The following ABCC5 variants were observed in gnomAD, a reference collection of about 807,000 sequenced individuals.
The protein encoded by ABCC5 is ATP-binding cassette sub-family C member 5.
In ABCC5, 61 loss-of-function variants were observed where a neutral mutation model predicts 160.9. The ratio of observed to expected loss-of-function variants is 0.38; its 90% CI spans 0.31 to 0.47. The LOEUF is 0.47. Ranked by LOEUF, ABCC5 falls within the 20% of genes least tolerant of loss-of-function variation. The pLI is 0.99. For missense variants in ABCC5, 1,308 were observed against 1,813.3 expected (o/e 0.72, Z 5.06); for synonymous variants, 666 against 700.6 (o/e 0.95, Z 0.78).
intron 23 of ABCC5, 150 bp downstream of exon 23, chr3:183,947,174 T>G (rs996836188): frequency 5.0e-6 from 4 of 807,110 alleles, no homozygotes; most frequent in Non-Finnish European, 7.1e-6. Flanking sequence ...AAATCCAGAT[T>G]GTTACGGTCA....
At chr3:183,967,429 T>G (rs1033505789) in intron 12 of ABCC5, 51 of 425,238 alleles carry the variant, frequency 1.2e-4, no homozygotes, top group South Asian at 4.3e-5. Flanking sequence ...AATAGATACA[T>G]GCTGAATGAA....
intron 11 of ABCC5, among the ~76,000 whole-genome samples, chr3:183,970,128 C>T (rs1045759450): frequency 6.6e-6 from 1 of 152,182 alleles, no homozygotes; most frequent in Non-Finnish European, 1.5e-5. Context: ...GGCTCCTCTT[C>T]CCACTTGGAG....
chr3:183,936,000 CAGGTT>C (rs747367084), intron 26 of ABCC5, among the ~76,000 whole-genome samples: 9 of 152,182 alleles, frequency 5.9e-5, no homozygotes, highest in Non-Finnish European at 1.0e-4. Context: ...CTATGGACTA[CAGGTT>C]TGTGTGCCCC....
chr3:183,929,768 A>G (rs1458661136), intron 26 of ABCC5, among the ~76,000 whole-genome samples: 1 of 152,106 alleles, frequency 6.6e-6, no homozygotes, highest in African/African-American at 2.4e-5. Context: ...TTACAGGCGC[A>G]TGCCACGTAA....
chr3:183,999,215 T>C (rs180764449), intron 2 of ABCC5, among the ~76,000 whole-genome samples: 1 of 151,606 alleles, frequency 6.6e-6, no homozygotes, highest in Non-Finnish European at 1.5e-5. Flanking sequence ...CTTCTCTTCC[T>C]CTCTAGGCTT....
chr3:183,991,346 A>G (rs1173663720), intron 2 of ABCC5, among the ~76,000 whole-genome samples: 1 of 152,188 alleles, frequency 6.6e-6, no homozygotes, highest in African/African-American at 2.4e-5. Context: ...CAAAAAAACA[A>G]GGAGAATAGA....
intron 9 of ABCC5, among the ~76,000 whole-genome samples, chr3:183,978,210 C>A (rs1255866610): frequency 6.6e-6 from 1 of 152,238 alleles, no homozygotes; most frequent in Non-Finnish European, 1.5e-5. Context: ...CCCCACTCTT[C>A]TGCTTCTCAG....
rs946620320 is a variant in ABCC5 at position 183,949,526 on chromosome 3, G to A, written c.3227+227C>T. On this transcript the variant is annotated intron_variant, in intron 22 of 29. Coordinates refer to ENST00000334444, the MANE Select transcript of ABCC5 (RefSeq NM_005688.4). This position sits in a 1 kb window ranked among gnomAD's most constrained non-coding sequence, Gnocchi z 4.2. ...CCTGAGTAGCTGTGACTATAGGCAC[G>A]TGATGCCGCATGCGGCCCAAATCTG... 2.0e-5 allele frequency among the ~76,000 whole-genome samples: 3 copies of A among 152,252 alleles called. No homozygotes were observed. The highest frequency in any genetic ancestry group is 4.8e-5 in the African/African-American group (2 of 41,472).
Position 183,963,527 on chromosome 3 carries a change from G to A in ABCC5, c.2093C>T (p.Ala698Val), listed in dbSNP as rs1478795708. 3 of 1,614,064 alleles carry A rather than the reference G, an allele frequency of 1.9e-6. No individual in the cohort carries two copies. The highest frequency in any genetic ancestry group is 1.3e-5 in the African/African-American group (1 of 74,918). ...GTAGATGCTCCTGTCACTATACAAGGCCCGGGCAAGGCTGATCCTCTGGCG... is the reference window on the plus strand; with the variant it reads ...GTAGATGCTCCTGTCACTATACAAGACCCGGGCAAGGCTGATCCTCTGGCG... ...GQRQRISLAR[A>V]LYSDRSIYIL... Residue 698 changes from alanine (A) to valine (V), a missense_variant, in exon 15 of 30, where the codon GCC (alanine) becomes GTC (valine). Ala to Val is a moderately conservative substitution (Grantham distance 64, BLOSUM62 0). Coordinates refer to ENST00000334444, the MANE Select transcript of ABCC5 (RefSeq NM_005688.4). This position sits in a 1 kb window ranked among gnomAD's most constrained non-coding sequence, Gnocchi z 4.6.
chr3:183,938,738 C>A (rs765633102), intron 25 of ABCC5, among the ~76,000 whole-genome samples: 1 of 152,146 alleles, frequency 6.6e-6, no homozygotes, highest in African/African-American at 2.4e-5. Context: ...AACCAGAGGA[C>A]AAGATGTCTT....
At chr3:184,013,540 C>T (rs1721932702) in intron 2 of ABCC5, among the ~76,000 whole-genome samples, 1 of 152,164 alleles carries the variant, frequency 6.6e-6, no homozygotes, top group Admixed American at 6.5e-5. Context: ...AAGCATGAGC[C>T]ACTGTGCCTG....
chr3:183,955,876 C>A (rs1307314400), intron 17 of ABCC5, among the ~76,000 whole-genome samples: 1 of 142,822 alleles, frequency 7.0e-6, no homozygotes, highest in Non-Finnish European at 1.5e-5. Context: ...GTGTATATTA[C>A]ATCTGTTATA....
At chr3:183,992,359 G>T (rs1022647531) in intron 2 of ABCC5, among the ~76,000 whole-genome samples, 1 of 152,134 alleles carries the variant, frequency 6.6e-6, no homozygotes, top group African/African-American at 2.4e-5. Flanking sequence ...CTGGGCAACA[G>T]AACAAGACTC....
intron 2 of ABCC5, among the ~76,000 whole-genome samples, chr3:184,007,626 G>A (rs1212708585): frequency 6.6e-5 from 10 of 152,014 alleles, no homozygotes; most frequent in Admixed American, 6.6e-4. Context: ...AGGAGTTCAA[G>A]ACCAGCCTGG....
At chr3:183,923,752 A>G (rs1712237305) in intron 29 of ABCC5, among the ~76,000 whole-genome samples, 1 of 152,246 alleles carries the variant, frequency 6.6e-6, no homozygotes, top group Non-Finnish European at 1.5e-5. Flanking sequence ...AATCTCAGTC[A>G]ACACTTAGTT....
chr3:184,012,282 T>C (rs1721819926), intron 2 of ABCC5, among the ~76,000 whole-genome samples: 1 of 152,116 alleles, frequency 6.6e-6, no homozygotes. Flanking sequence ...AGTTCCCTAA[T>C]GCCCACAGTG....
chr3:183,979,344 CAAAA>C (rs574015878), intron 8 of ABCC5, among the ~76,000 whole-genome samples: 1 of 107,692 alleles, frequency 9.3e-6, no homozygotes, highest in Non-Finnish European at 1.9e-5. Flanking sequence ...GGCCTTATCT[CAAAA>C]AAAAAAAAAA....
intron 12 of ABCC5, 147 bp from the exon 13 acceptor site, chr3:183,965,648 C>A: frequency 1.9e-6 from 2 of 1,051,282 alleles, no homozygotes; most frequent in South Asian, 1.6e-5. Context: ...CCTTTAATTC[C>A]AAAGAGAGCT....
In ABCC5 at chr3:183,989,389, C is replaced by T; in HGVS notation, c.130-6G>A. ...AAGGCATCTTGGCATTCCAACTGTT[C>T]CAGCAGATAGGGAGAAAGGCAAGAG... On this transcript the variant is annotated splice_polypyrimidine_tract_variant and splice_region_variant and intron_variant, in intron 2 of 29. Transcript: ENST00000334444. 6.2e-7 allele frequency: 1 copy of T among 1,613,514 alleles called. No individual in the cohort carries two copies. The highest frequency in any genetic ancestry group is 8.5e-7 in the Non-Finnish European group (1 of 1,179,734).
Sources: gnomAD v4.1 joint callset for allele counts (sites outside exome capture counted in the v4.1 genomes callset) on GRCh38, gnomAD v4.1.1 for gene constraint, Gnocchi (gnomAD v3.1) non-coding constraint, MANE v1.5 for transcripts, NCBI Gene and HGNC (gene_info 2026-07-23, HGNC 2026-07-21) for gene names.